Variants in RNF6 observed in about 807,000 individuals in gnomAD.
The protein encoded by RNF6 is ring finger protein 6.
Under a neutral mutation model 50.1 loss-of-function variants are expected in RNF6, and 21 were observed. The observed-to-expected ratio is 0.42, with a 90% confidence interval of 0.30 to 0.60. RNF6 has a LOEUF of 0.60. Ranked by LOEUF, RNF6 falls within the 20% of genes least tolerant of loss-of-function variation. RNF6 has a pLI of 0.20. For synonymous variants in RNF6, 255 were observed against 291.8 expected (o/e 0.87, Z 1.29); for missense variants, 698 against 838.2 (o/e 0.83, Z 2.07).
At chr13:26,212,138 T>C (rs1869351588), downstream of RNF6, among the ~76,000 whole-genome samples, 1 of 152,212 alleles carries the variant, frequency 6.6e-6, no homozygotes, top group Admixed American at 6.5e-5. Context: ...TCCATTCCAT[T>C]GTGTTCTATA....
chr13:26,140,450 C>G (rs1870877160), intron 5 of RNF6, among the ~76,000 whole-genome samples: 2 of 152,222 alleles, frequency 1.3e-5, no homozygotes, highest in Middle Eastern at 3.4e-3. Flanking sequence ...TCCAACATCC[C>G]TTCATGATAA....
intron 5 of RNF6, among the ~76,000 whole-genome samples, chr13:26,204,346 A>C (rs771870134): frequency 6.6e-6 from 1 of 151,668 alleles, no homozygotes; most frequent in Non-Finnish European, 1.5e-5. Flanking sequence ...AAATACAAAA[A>C]ATTAGCCGGG....
chr13:26,193,305 T>TA (rs1002734767), intron 5 of RNF6, among the ~76,000 whole-genome samples: 223 of 149,148 alleles, frequency 1.5e-3, no homozygotes, highest in African/African-American at 4.7e-3. Flanking sequence ...ATTAAGAGGT[T>TA]AAAAAAAAAA....
At chr13:26,216,951 T>C (rs1593198372) in intron 4 of RNF6, among the ~76,000 whole-genome samples, 2 of 152,276 alleles carry the variant, frequency 1.3e-5, no homozygotes, top group East Asian at 3.9e-4. Context: ...CAGGACTCTG[T>C]CTCAAAAAAT....
At chr13:26,198,057 A>ACATG (rs1403933103) in intron 5 of RNF6, among the ~76,000 whole-genome samples, 1 of 151,676 alleles carries the variant, frequency 6.6e-6, no homozygotes, top group Non-Finnish European at 1.5e-5. Flanking sequence ...ATATATACAT[A>ACATG]CATACATACA....
At chr13:26,153,267 G>GC (rs367927049) in intron 5 of RNF6, among the ~76,000 whole-genome samples, 343 of 151,992 alleles carry the variant, frequency 2.3e-3, no homozygotes, top group African/African-American at 7.9e-3. Flanking sequence ...AGGCTGGAGT[G>GC]CAGTGGAGTA....
intron 5 of RNF6, among the ~76,000 whole-genome samples, chr13:26,175,897 G>A (rs1872934785): frequency 6.6e-6 from 1 of 151,978 alleles, no homozygotes; most frequent in Admixed American, 6.6e-5. Context: ...TTAAAATGTA[G>A]TATCAGTATG....
chr13:26,186,458 C>A (rs1241534180), intron 5 of RNF6, among the ~76,000 whole-genome samples: 5 of 152,218 alleles, frequency 3.3e-5, no homozygotes, highest in Non-Finnish European at 7.3e-5. Flanking sequence ...GGCACGTGGG[C>A]CCCGCAGCCA....
Position 26,184,945 on chromosome 13 carries a change from T to C in RNF6, n.768+30529A>G, listed in dbSNP as rs114901119. ...CTACCTAGTGAGCTCCAAAGTGCGC[T>C]GCAGGAAATTATTTTAGAACTTGTA... On this transcript the variant is annotated intron_variant and non_coding_transcript_variant, in intron 5 of 5. Transcript: ENST00000468480. 3.0e-3 allele frequency among the ~76,000 whole-genome samples: 453 copies of C among 152,270 alleles called. 1 individual carries two copies. Among genetic ancestry groups the C allele is most frequent in the African/African-American group, 0.01 (422 of 41,546 alleles).
intron 5 of RNF6, among the ~76,000 whole-genome samples, chr13:26,168,563 G>C (rs1872548971): frequency 6.6e-6 from 1 of 152,188 alleles, no homozygotes; most frequent in African/African-American, 2.4e-5. Flanking sequence ...TGTTCTTACA[G>C]GGGTTGTTTA....
At chr13:26,206,111 G>C (rs1015622549) in intron 5 of RNF6, among the ~76,000 whole-genome samples, 1 of 152,200 alleles carries the variant, frequency 6.6e-6, no homozygotes. Flanking sequence ...CTCCTGATTT[G>C]CTCTGCCCAC....
rs575454095 is a variant in RNF6 at position 26,171,323 on chromosome 13, C to T, written n.769-38872G>A. ...AACATCAGTAGTCATTAGGGAAGCG[C>T]AAATCAAAACCACAGTAAAATAACA... On this transcript the variant is annotated intron_variant and non_coding_transcript_variant, in intron 5 of 5. Coordinates refer to the RNF6 transcript ENST00000468480. 5.9e-5 allele frequency among the ~76,000 whole-genome samples: 9 copies of T among 152,194 alleles called. No homozygotes were observed. The East Asian group carries it at 1.7e-3, about 29-fold the overall frequency.
At chr13:26,179,772 T>C (rs1357335812) in intron 5 of RNF6, among the ~76,000 whole-genome samples, 1 of 152,134 alleles carries the variant, frequency 6.6e-6, no homozygotes, top group East Asian at 1.9e-4. Flanking sequence ...TTAAGATAGA[T>C]GTATAGATGT....
At chr13:26,161,490 C>T (rs1302613879) in intron 5 of RNF6, among the ~76,000 whole-genome samples, 1 of 152,106 alleles carries the variant, frequency 6.6e-6, no homozygotes, top group Non-Finnish European at 1.5e-5. Flanking sequence ...CCCTTTGTGT[C>T]CTGCAGTAAA....
At chr13:26,162,140 C>T (rs1345619568) in intron 5 of RNF6, among the ~76,000 whole-genome samples, 3 of 152,234 alleles carry the variant, frequency 2.0e-5, no homozygotes, top group South Asian at 4.1e-4. Flanking sequence ...CCAGAGCATG[C>T]CTTTGATATA....
At chr13:26,190,800 A>G (rs1868423804) in intron 5 of RNF6, among the ~76,000 whole-genome samples, 1 of 152,232 alleles carries the variant, frequency 6.6e-6, no homozygotes, top group Admixed American at 6.5e-5. Flanking sequence ...TGTTAATGTG[A>G]CCTAATTCAT....
intron 5 of RNF6, among the ~76,000 whole-genome samples, chr13:26,188,325 C>T (rs1458355713): frequency 6.6e-6 from 1 of 152,184 alleles, no homozygotes; most frequent in Non-Finnish European, 1.5e-5. Context: ...TCCTCCACCC[C>T]ACTTGTGACA....
intron 5 of RNF6, among the ~76,000 whole-genome samples, chr13:26,160,070 A>G (rs1872122955): frequency 2.0e-5 from 3 of 152,198 alleles, no homozygotes; most frequent in Admixed American, 1.3e-4. Context: ...TGAACTACAA[A>G]TCTTAGAAAC....
chr13:26,201,306 G>A (rs1199357545), intron 5 of RNF6, among the ~76,000 whole-genome samples: 1 of 152,196 alleles, frequency 6.6e-6, no homozygotes, highest in African/African-American at 2.4e-5. Context: ...TGACCCATGG[G>A]AGCCAGAAGC....
Sources: allele counts gnomAD v4.1 joint callset (sites outside exome capture counted in the v4.1 genomes callset), GRCh38; gene constraint gnomAD v4.1.1; transcripts MANE v1.5; gene names NCBI Gene and HGNC (gene_info 2026-07-23, HGNC 2026-07-21).